The following SPATA7 variants were observed in gnomAD, a reference collection of about 807,000 sequenced individuals.
The protein encoded by SPATA7 is spermatogenesis associated 7.
In SPATA7, 43 loss-of-function variants were observed where a neutral mutation model predicts 51.8. That is an observed-to-expected ratio of 0.83 (90% confidence interval 0.65 to 1.07). The LOEUF (loss-of-function observed/expected upper bound fraction) is 1.07. SPATA7 is among the 50% of genes least tolerant of loss of function. The probability of loss-of-function intolerance (pLI) is 0.00; values close to 1 mark genes in which losing one functional copy is unlikely to be tolerated. For synonymous variants in SPATA7, 230 were observed against 252.8 expected (o/e 0.91, Z 0.86); for missense variants, 683 against 701.3 (o/e 0.97, Z 0.30).
At chr14:88,447,871 T>C (rs1249879193) in intron 3 of SPATA7, among the ~76,000 whole-genome samples, 1 of 152,056 alleles carries the variant, frequency 6.6e-6, no homozygotes, top group Non-Finnish European at 1.5e-5. Context: ...GTCTGATGGG[T>C]TTCCCTTTGA....
chr14:88,426,435 A>G lies in SPATA7; in HGVS notation c.576A>G (p.Lys192=). Residue 192 remains lysine (K), a synonymous_variant, in exon 6 of 12, where the codon AAA becomes AAG. Coordinates refer to ENST00000393545, the MANE Select transcript of SPATA7 (RefSeq NM_018418.5). ...ATTATGCAGCCTCCGGGCCCCGGAA[A>G]CTGAGCTCTGGAGCCCTGTATGGCA... ...SVDYAASGPR[K]LSSGALYGRR... is the part of the protein sequence containing the mutation. 6 of 1,614,230 alleles carry G rather than the reference A, an allele frequency of 3.7e-6. No individual in the cohort carries two copies. The highest frequency in any genetic ancestry group is 5.1e-6 in the Non-Finnish European group (6 of 1,180,042).
intron 1 of SPATA7, among the ~76,000 whole-genome samples, chr14:88,388,859 A>G (rs2075657758): frequency 6.6e-6 from 1 of 152,252 alleles, no homozygotes; most frequent in African/African-American, 2.4e-5. Flanking sequence ...TTCAGACCTC[A>G]TTAGAGAAGG....
intron 1 of SPATA7, among the ~76,000 whole-genome samples, chr14:88,386,696 C>G (rs1176343636): frequency 1.3e-5 from 2 of 152,124 alleles, no homozygotes; most frequent in Non-Finnish European, 1.5e-5. Flanking sequence ...ATCATTCTTT[C>G]CTCGAGTCAA....
chr14:88,412,761 C>T (rs1224227056), intron 4 of SPATA7, among the ~76,000 whole-genome samples: 1 of 152,186 alleles, frequency 6.6e-6, no homozygotes, highest in Non-Finnish European at 1.5e-5. Flanking sequence ...TGTCTGTTTA[C>T]TCTGTTGATA....
intron 5 of SPATA7, among the ~76,000 whole-genome samples, chr14:88,422,637 AT>A (rs2076678332): frequency 6.7e-6 from 1 of 149,164 alleles, no homozygotes; most frequent in Non-Finnish European, 1.5e-5. Flanking sequence ...TATTTTTAAT[AT>A]ATTTCTGTAA....
intron 4 of SPATA7, among the ~76,000 whole-genome samples, chr14:88,464,831 CCA>C (rs1446542534): frequency 1.3e-5 from 2 of 152,186 alleles, no homozygotes; most frequent in African/African-American, 4.8e-5. Flanking sequence ...CAGCTAATCT[CCA>C]GTTTATATTA....
intron 5 of SPATA7, among the ~76,000 whole-genome samples, chr14:88,422,680 C>T (rs1472090891): frequency 6.7e-6 from 1 of 150,258 alleles, no homozygotes; most frequent in Non-Finnish European, 1.5e-5. Flanking sequence ...CCAATAGCAA[C>T]TATAACCCTA....
chr14:88,439,403 C>T (rs993087653), downstream of SPATA7, among the ~76,000 whole-genome samples: 3 of 152,206 alleles, frequency 2.0e-5, no homozygotes, highest in African/African-American at 7.2e-5. Flanking sequence ...CATGGCCCAG[C>T]AGATTCATCT....
At chr14:88,461,116 C>G (rs1461951058) in intron 4 of SPATA7, among the ~76,000 whole-genome samples, 4 of 152,316 alleles carry the variant, frequency 2.6e-5, no homozygotes, top group South Asian at 2.1e-4. Context: ...TCAGTCTGCC[C>G]CTACTGGGAG....
chr14:88,426,520 C>G lies in SPATA7; in HGVS notation c.661C>G (p.Pro221Ala), dbSNP rs562928863. 6.2e-7 allele frequency: 1 copy of G among 1,614,190 alleles called. No individual in the cohort carries two copies. Among genetic ancestry groups the G allele is most frequent in the South Asian group, 1.1e-5 (1 of 91,084 alleles). The part of the protein sequence containing the change: ...HRFQLVISKA[P>A]SGDLLDKHSE... ...GTTTCAGTTAGTCATTTCGAAAGCACCCAGTGGGGATCTTTTGGATAAACA... is the reference window on the plus strand; with the variant it reads ...GTTTCAGTTAGTCATTTCGAAAGCAGCCAGTGGGGATCTTTTGGATAAACA... The change falls in exon 6 of 12, where the codon CCC (proline) becomes GCC (alanine). Residue 221 changes from proline to alanine, a missense_variant. Transcript: ENST00000393545.
chr14:88,398,081 CA>C (rs34493988), intron 4 of SPATA7, among the ~76,000 whole-genome samples: 5,307 of 139,250 alleles, frequency 0.038, 294 homozygotes, highest in African/African-American at 0.13. Flanking sequence ...GACACCGTCT[CA>C]AAAAAAAAAA....
At chr14:88,393,175 G>A (rs2075789487) in intron 2 of SPATA7, among the ~76,000 whole-genome samples, 1 of 152,046 alleles carries the variant, frequency 6.6e-6, no homozygotes, top group Admixed American at 6.5e-5. Context: ...TCTCAGGCTT[G>A]TAAAATTTTA....
At chr14:88,449,616 T>C (rs1488571461) in intron 3 of SPATA7, among the ~76,000 whole-genome samples, 1 of 152,194 alleles carries the variant, frequency 6.6e-6, no homozygotes, top group East Asian at 1.9e-4. Context: ...ACAGTTTAAG[T>C]CCATAGTTTC....
intron 1 of SPATA7, among the ~76,000 whole-genome samples, chr14:88,386,770 T>C (rs1332141471): frequency 6.6e-6 from 1 of 152,194 alleles, no homozygotes; most frequent in African/African-American, 2.4e-5. Context: ...TTTAAAAGAC[T>C]GCCTTTAAAC....
intron 5 of SPATA7, among the ~76,000 whole-genome samples, chr14:88,421,989 T>C (rs1275991622): frequency 6.6e-6 from 1 of 150,844 alleles, no homozygotes; most frequent in African/African-American, 2.4e-5. Context: ...ACTTGGTGAC[T>C]GAGTGGATGA....
intron 3 of SPATA7, among the ~76,000 whole-genome samples, chr14:88,395,316 TAA>T (rs1257877248): frequency 6.6e-6 from 1 of 152,068 alleles, no homozygotes; most frequent in Non-Finnish European, 1.5e-5. Flanking sequence ...TTTAAATAGC[TAA>T]AGTTTTTAAA....
downstream of SPATA7, among the ~76,000 whole-genome samples, chr14:88,441,629 T>G (rs953462330): frequency 8.5e-5 from 13 of 152,232 alleles, no homozygotes; most frequent in Admixed American, 7.2e-4. Flanking sequence ...ATATGTTTAT[T>G]GGCTATTTGT....
At position 88,426,606 on chromosome 14, in the gene SPATA7, A is replaced by G. The variant is rs1221733937; in HGVS notation, c.747A>G (p.Ala249=). The change falls in exon 6 of 12, where the codon GCA becomes GCG. Residue 249 remains alanine, a synonymous_variant. Transcript: ENST00000393545. ...CTCCTCGCACTTTAAAAACAGAAGC[A>G]AAATCTTTCCTGTCACAGTATCGCT... ...PFTPRTLKTE[A]KSFLSQYRYY... is the part of the protein sequence containing the mutation. 1.2e-6 allele frequency: 2 copies of G among 1,614,204 alleles called. No individual in the cohort carries two copies. Among genetic ancestry groups the G allele is most frequent in the Admixed American group, 3.3e-5 (2 of 60,020 alleles).
At chr14:88,443,799 C>A (rs534614288) in intron 3 of SPATA7, among the ~76,000 whole-genome samples, 1 of 152,300 alleles carries the variant, frequency 6.6e-6, no homozygotes, top group East Asian at 1.9e-4. Context: ...CATGTTCCCA[C>A]AAAGGACATA....
Sources: gnomAD v4.1 joint callset for allele counts (sites outside exome capture counted in the v4.1 genomes callset) on GRCh38, gnomAD v4.1.1 for gene constraint, MANE v1.5 for transcripts, NCBI Gene and HGNC (gene_info 2026-07-23, HGNC 2026-07-21) for gene names.